The following CNTN5 variants were observed in gnomAD, a reference collection of about 807,000 sequenced individuals.
The protein encoded by CNTN5 is contactin-5.
Under a neutral mutation model 129.1 loss-of-function variants are expected in CNTN5, and 77 were observed. That is an observed-to-expected ratio of 0.60 (90% CI 0.50 to 0.72). The LOEUF is 0.72. Among genes scored for constraint, CNTN5 ranks in the 30% least tolerant of loss-of-function variants. The pLI, the probability that CNTN5 is intolerant of heterozygous loss-of-function variation, is 0.00. For synonymous variants in CNTN5, 509 were observed against 465.6 expected (o/e 1.09, Z -1.20); for missense variants, 1,478 against 1,328.8 (o/e 1.11, Z -1.75).
chr11:100,174,826 G>A lies in CNTN5; in HGVS notation c.1581-16300G>A, dbSNP rs553494864. 1.6e-4 allele frequency among the ~76,000 whole-genome samples: 24 copies of A among 152,210 alleles called. No homozygotes were observed. The South Asian group carries it at 4.8e-3, about 30-fold the overall frequency. On this transcript the variant is annotated intron_variant, in intron 13 of 24. Coordinates refer to ENST00000524871, the MANE Select transcript of CNTN5 (RefSeq NM_014361.4). ...CTTGCAGTGATGCTGAGCCCCAGGGGTGGTGGCTCATTAATTAAAGTAAAT... is the reference window on the plus strand; with the variant it reads ...CTTGCAGTGATGCTGAGCCCCAGGGATGGTGGCTCATTAATTAAAGTAAAT...
At chr11:99,097,125 A>G (rs1443898908) in intron 1 of CNTN5, among the ~76,000 whole-genome samples, 2 of 151,938 alleles carry the variant, frequency 1.3e-5, no homozygotes, top group African/African-American at 2.4e-5. Flanking sequence ...AAATAATTGG[A>G]GTTAGATAAA....
At chr11:99,946,687 T>A (rs1018486966) in intron 7 of CNTN5, among the ~76,000 whole-genome samples, 6 of 152,076 alleles carry the variant, frequency 3.9e-5, no homozygotes, top group African/African-American at 1.4e-4. Flanking sequence ...ATTACATATA[T>A]CTCTGATAGA....
At chr11:99,895,668 A>G (rs1009513110) in intron 6 of CNTN5, among the ~76,000 whole-genome samples, 2 of 152,048 alleles carry the variant, frequency 1.3e-5, no homozygotes, top group Non-Finnish European at 2.9e-5. Flanking sequence ...TGAGTGAGTA[A>G]GAGTCTCCCC....
chr11:99,141,021 G>T (rs997253016), intron 1 of CNTN5, among the ~76,000 whole-genome samples: 1 of 152,142 alleles, frequency 6.6e-6, no homozygotes, highest in Non-Finnish European at 1.5e-5. Flanking sequence ...GAATGAATTA[G>T]GGAGGAGTCC....
chr11:100,033,358 T>A (rs1439836609), intron 9 of CNTN5, among the ~76,000 whole-genome samples: 1 of 152,228 alleles, frequency 6.6e-6, no homozygotes, highest in Non-Finnish European at 1.5e-5. Context: ...CATCCATATG[T>A]AGAATTACAT....
chr11:99,812,519 T>G (rs1946459979), intron 3 of CNTN5, among the ~76,000 whole-genome samples: 1 of 152,138 alleles, frequency 6.6e-6, no homozygotes, highest in Non-Finnish European at 1.5e-5. Context: ...TTTCAACTGT[T>G]TTCTGTATAT....
intron 8 of CNTN5, among the ~76,000 whole-genome samples, chr11:99,998,041 C>CAATATCATACTG (rs1939577026): frequency 6.6e-6 from 1 of 152,076 alleles, no homozygotes; most frequent in Non-Finnish European, 1.5e-5. Flanking sequence ...AACCCACAGC[C>CAATATCATACTG]AATATCATAC....
intron 10 of CNTN5, among the ~76,000 whole-genome samples, chr11:100,066,813 A>T (rs1424344936): frequency 7.0e-6 from 1 of 142,024 alleles, no homozygotes; most frequent in Non-Finnish European, 1.5e-5. Context: ...AATGCCCTTT[A>T]GTTACTTGCA....
intron 2 of CNTN5, among the ~76,000 whole-genome samples, chr11:99,553,795 CAGAA>C (rs1362211549): frequency 6.6e-6 from 1 of 150,680 alleles, no homozygotes; most frequent in Non-Finnish European, 1.5e-5. Flanking sequence ...TAGAAAGAGA[CAGAA>C]AGGGAGAAAA....
At chr11:100,185,115 C>G (rs1348475195) in intron 13 of CNTN5, among the ~76,000 whole-genome samples, 1 of 152,110 alleles carries the variant, frequency 6.6e-6, no homozygotes, top group Non-Finnish European at 1.5e-5. Context: ...GTCAATTAAA[C>G]CTCTTTACTT....
chr11:100,118,494 A>G (rs968394263), intron 13 of CNTN5, among the ~76,000 whole-genome samples: 1 of 151,994 alleles, frequency 6.6e-6, no homozygotes, highest in Non-Finnish European at 1.5e-5. Flanking sequence ...ATAATAAATT[A>G]CTGCTCACAA....
chr11:100,084,853 T>A (rs1022182903), intron 13 of CNTN5, among the ~76,000 whole-genome samples: 1 of 152,118 alleles, frequency 6.6e-6, no homozygotes. Context: ...TTTTCCTTAA[T>A]GGAGAGAGAA....
chr11:99,846,383 A>G (rs1052422178), intron 6 of CNTN5, among the ~76,000 whole-genome samples: 1 of 149,214 alleles, frequency 6.7e-6, no homozygotes, highest in African/African-American at 2.5e-5. Flanking sequence ...AAAAAAAAGA[A>G]GTGTGTATAT....
chr11:99,949,813 A>G (rs1194178567), intron 7 of CNTN5, among the ~76,000 whole-genome samples: 1 of 152,192 alleles, frequency 6.6e-6, no homozygotes, highest in Non-Finnish European at 1.5e-5. Flanking sequence ...AGAACTTGGA[A>G]TTCACTAGCT....
chr11:99,796,048 G>A (rs2135458830), intron 3 of CNTN5, among the ~76,000 whole-genome samples: 1 of 152,244 alleles, frequency 6.6e-6, no homozygotes, highest in African/African-American at 2.4e-5. Flanking sequence ...CTATACAGAT[G>A]TTTGTAGCAG....
chr11:99,308,390 C>A (rs552488331), intron 1 of CNTN5, among the ~76,000 whole-genome samples: 32 of 152,072 alleles, frequency 2.1e-4, no homozygotes, highest in Non-Finnish European at 4.3e-4. Flanking sequence ...GCTAACTTTG[C>A]TATGGATGTA....
chr11:99,732,849 T>G (rs888375431), intron 3 of CNTN5, among the ~76,000 whole-genome samples: 1 of 151,976 alleles, frequency 6.6e-6, no homozygotes, highest in Non-Finnish European at 1.5e-5. Flanking sequence ...AAGATGCTGG[T>G]GGAATAACCC....
At chr11:100,063,215 A>G (rs887108664) in intron 10 of CNTN5, among the ~76,000 whole-genome samples, 3 of 151,346 alleles carry the variant, frequency 2.0e-5, no homozygotes, top group African/African-American at 7.3e-5. Flanking sequence ...ATAGGTAATG[A>G]TGACTGTTTC....
intron 13 of CNTN5, among the ~76,000 whole-genome samples, chr11:100,171,742 T>C (rs1947832125): frequency 6.6e-6 from 1 of 151,990 alleles, no homozygotes; most frequent in Non-Finnish European, 1.5e-5. Context: ...TCTCTCTTTG[T>C]GAGATCAATT....
Sources: gnomAD v4.1 joint callset for allele counts (sites outside exome capture counted in the v4.1 genomes callset) on GRCh38, gnomAD v4.1.1 for gene constraint, MANE v1.5 for transcripts, NCBI Gene and HGNC (gene_info 2026-07-23, HGNC 2026-07-21) for gene names.